Variants in SEC24C observed in about 807,000 individuals in gnomAD.
SEC24C encodes the protein SEC24 homolog C, COPII component.
In SEC24C, 22 loss-of-function variants were observed where a neutral mutation model predicts 117.0. The ratio of observed to expected loss-of-function variants is 0.19; its 90% CI spans 0.13 to 0.27. The LOEUF is 0.27. SEC24C is among the 10% of genes least tolerant of loss of function. The pLI is 1.00. For missense variants in SEC24C, 1,155 were observed against 1,375.1 expected (o/e 0.84, Z 2.53); for synonymous variants, 506 against 529.4 (o/e 0.96, Z 0.61).
At chr10:73,749,544 T>C (rs927033990) in intron 2 of SEC24C, among the ~76,000 whole-genome samples, 14 of 151,544 alleles carry the variant, frequency 9.2e-5, no homozygotes, top group African/African-American at 3.4e-4. Context: ...TTTTTCTTTT[T>C]TTTTTTTTTT....
chr10:73,759,075 C>T (rs552697340), intron 3 of SEC24C, among the ~76,000 whole-genome samples: 24 of 152,158 alleles, frequency 1.6e-4, no homozygotes, highest in Middle Eastern at 3.4e-3. Flanking sequence ...GTGTGACTTT[C>T]GTTTCAGCTA....
intron 3 of SEC24C, among the ~76,000 whole-genome samples, chr10:73,756,299 T>C (rs949904901): frequency 1.3e-4 from 20 of 152,046 alleles, no homozygotes; most frequent in African/African-American, 4.6e-4. Flanking sequence ...CTGAGAGTAG[T>C]TTTGGAACTG....
intron 13 of SEC24C, 37 bp downstream of exon 13, chr10:73,766,890 A>G: frequency 1.3e-6 from 2 of 1,576,292 alleles, no homozygotes; most frequent in South Asian, 1.1e-5. Flanking sequence ...CTCTAACTCC[A>G]TTTTCCTCTG....
Position 73,750,700 on chromosome 10 carries a change from C to T in SEC24C, c.173-408C>T, listed in dbSNP as rs560123531. Among the ~76,000 whole-genome samples, 8 of 152,318 alleles carry T rather than the reference C, an allele frequency of 5.3e-5. No homozygotes were observed. The East Asian group carries it at 5.8e-4, about 11-fold the overall frequency. On this transcript the variant is annotated intron_variant, in intron 2 of 22. Transcript: ENST00000345254. Reference sequence around the variant, plus strand: ...CTTTGCAGCCTAGTTCCGTATATTACTTGGTCATCTTCTGAGTCTCCTTTT... The same window carrying T: ...CTTTGCAGCCTAGTTCCGTATATTATTTGGTCATCTTCTGAGTCTCCTTTT...
At position 73,759,702 on chromosome 10, in the gene SEC24C, C is replaced by T. The variant is rs776558189; in HGVS notation, c.389C>T (p.Pro130Leu). 9.9e-6 allele frequency: 16 copies of T among 1,608,900 alleles called. No individual in the cohort carries two copies. The highest frequency in any genetic ancestry group is 1.4e-5 in the Non-Finnish European group (16 of 1,178,520). ...QPPVLQPYGP[P>L]PTSAQVATQL... is the part of the protein sequence containing the mutation. ...CCTGTGCTTCAGCCCTATGGCCCTC[C>T]CCCGACAAGTGCACAGGTGGCTACG... The change falls in exon 4 of 23, where the codon CCC becomes CTC. Residue 130 changes from proline (P) to leucine (L), a missense_variant. Coordinates refer to ENST00000345254, the MANE Select transcript of SEC24C (RefSeq NM_198597.3).
At chr10:73,764,682 A>G (rs1399770145) in intron 8 of SEC24C, among the ~76,000 whole-genome samples, 1 of 152,180 alleles carries the variant, frequency 6.6e-6, no homozygotes, top group Non-Finnish European at 1.5e-5. Flanking sequence ...CTGTTAGAAC[A>G]GCATATAAGA....
rs1272033527 is a variant in SEC24C at position 73,770,360 on chromosome 10, T to C, written c.2943T>C (p.Tyr981=). The C allele has an allele frequency of 1.9e-6, 3 of 1,613,494 alleles. No homozygotes were observed. Among genetic ancestry groups the C allele is most frequent in the South Asian group, 1.1e-5 (1 of 91,032 alleles). ...AGCGTCTAAGCAATGGGGATATATA[T>C]TTACTGGAGAATGGGCTCAACCTCT... ...SEERLSNGDI[Y]LLENGLNLFL... The change falls in exon 21 of 23, where the codon TAT becomes TAC. Residue 981 remains tyrosine (Y), a synonymous_variant. Transcript: ENST00000345254.
At chr10:73,764,992 C>T (rs1290714368) in intron 8 of SEC24C, among the ~76,000 whole-genome samples, 1 of 152,160 alleles carries the variant, frequency 6.6e-6, no homozygotes, top group Non-Finnish European at 1.5e-5. Flanking sequence ...TGACATTTGC[C>T]TGGGGCATCA....
intron 7 of SEC24C, 100 bp downstream of exon 7, chr10:73,763,701 G>GTTTTTTTTTTTTTTT (rs889435844): frequency 4.9e-5 from 7 of 143,902 alleles, no homozygotes; most frequent in African/African-American, 1.8e-4. Context: ...TTTTTTTTTA[G>GTTTTTTTTTTTTTTT]TTTTTAACCA....
chr10:73,750,596 T>A (rs770968840), intron 2 of SEC24C, among the ~76,000 whole-genome samples: 4 of 152,138 alleles, frequency 2.6e-5, no homozygotes, highest in African/African-American at 9.7e-5. Flanking sequence ...CACTTAGAAG[T>A]GGATGAAAGG....
At position 73,771,907 on chromosome 10, in the gene SEC24C, A is replaced by G. The variant is rs1360571348; in HGVS notation, c.*812A>G. 3.0e-5 allele frequency: 5 copies of G among 165,036 alleles called. No homozygotes were observed. The highest frequency in any genetic ancestry group is 2.0e-4 in the South Asian group (1 of 5,012). 10.2% of individuals were successfully genotyped at this position (165,036 alleles called of 1,614,324 possible). A position where few individuals can be genotyped will look rare whatever the true frequency, so the allele number is the denominator to read the frequency against. Reference sequence around the variant, plus strand: ...TTCTCCAGGCCCGGGGTTGTTGGGGAGAGAGGCAGAGGCAGCTGGAGCGCC... The same window carrying G: ...TTCTCCAGGCCCGGGGTTGTTGGGGGGAGAGGCAGAGGCAGCTGGAGCGCC... On this transcript the variant is annotated 3_prime_UTR_variant, in exon 23 of 23. Coordinates refer to ENST00000345254, the MANE Select transcript of SEC24C (RefSeq NM_198597.3).
intron 20 of SEC24C, 39 bp from the exon 21 acceptor site, chr10:73,770,241 T>C (rs746682944): frequency 9.7e-6 from 15 of 1,553,578 alleles, no homozygotes; most frequent in Non-Finnish European, 1.1e-5. Flanking sequence ...ACTTGTCTTA[T>C]GGTCCTTGGT....
intron 6 of SEC24C, among the ~76,000 whole-genome samples, chr10:73,763,099 G>A (rs1184971316): frequency 1.3e-5 from 2 of 152,160 alleles, no homozygotes; most frequent in Non-Finnish European, 2.9e-5. Context: ...TGTGTCTTGG[G>A]GAGAGGATCG....
At position 73,747,011 on chromosome 10, in the gene SEC24C, T is replaced by C. The variant is rs1490921571; in HGVS notation, c.172+7T>C. 6.2e-7 allele frequency: 1 copy of C among 1,609,020 alleles called. No individual in the cohort carries two copies. The highest frequency in any genetic ancestry group is 1.1e-5 in the South Asian group (1 of 90,072). On this transcript the variant is annotated splice_region_variant and intron_variant, in intron 2 of 22. Coordinates refer to ENST00000345254, the MANE Select transcript of SEC24C (RefSeq NM_198597.3). ...CAGCAAACACCTCCCCAAGGTATGTTTCTGTTTCTGTTTCCTTTGAGCTAG... is the reference window on the plus strand; with the variant it reads ...CAGCAAACACCTCCCCAAGGTATGTCTCTGTTTCTGTTTCCTTTGAGCTAG...
At chr10:73,759,479 A>C (rs1241286738) in intron 3 of SEC24C, 143 bp from the exon 4 acceptor site, 8 of 505,312 alleles carry the variant, frequency 1.6e-5, no homozygotes, top group Non-Finnish European at 2.6e-5. Flanking sequence ...CAAATATACA[A>C]AAGTATGAAG....
chr10:73,768,939 T>C, intron 16 of SEC24C, 33 bp downstream of exon 16: 1 of 1,614,130 alleles, frequency 6.2e-7, no homozygotes, highest in Non-Finnish European at 8.5e-7. Context: ...GTTGGGGGGC[T>C]AAATATGGAA....
At chr10:73,751,529 A>G (rs1310390255) in intron 3 of SEC24C, among the ~76,000 whole-genome samples, 2 of 152,340 alleles carry the variant, frequency 1.3e-5, no homozygotes, top group Middle Eastern at 3.4e-3. Context: ...AGCCTGGGCG[A>G]TAGAGTGAGA....
At chr10:73,765,713 G>A in intron 9 of SEC24C, 87 bp from the exon 10 acceptor site, 3 of 1,554,286 alleles carry the variant, frequency 1.9e-6, no homozygotes, top group Non-Finnish European at 2.7e-6. Flanking sequence ...ACATGGGAAT[G>A]AGGGATAGTG....
At chr10:73,767,267 C>T (rs2082899470) in intron 14 of SEC24C, 97 bp downstream of exon 14, 2 of 759,792 alleles carry the variant, frequency 2.6e-6, no homozygotes, top group South Asian at 3.2e-5. Context: ...GACACTCCAC[C>T]CTTTCAAATA....
Sources: gnomAD v4.1 joint callset for allele counts (sites outside exome capture counted in the v4.1 genomes callset) on GRCh38, gnomAD v4.1.1 for gene constraint, MANE v1.5 for transcripts, NCBI Gene and HGNC (gene_info 2026-07-23, HGNC 2026-07-21) for gene names.